Variants in GRID2IP observed in about 807,000 individuals in gnomAD.
GRID2IP encodes the protein delphilin.
A neutral mutation model predicts 114.3 loss-of-function variants in GRID2IP; 78 were observed. That is an observed-to-expected ratio of 0.68 (90% CI 0.57 to 0.82). GRID2IP has a LOEUF of 0.82. Ranked by LOEUF, GRID2IP falls within the 40% of genes least tolerant of loss-of-function variation. The pLI, the probability that GRID2IP is intolerant of heterozygous loss-of-function variation, is 0.00. For synonymous variants in GRID2IP, 809 were observed against 724.0 expected, an observed-to-expected ratio of 1.12 and a Z score of -1.89; for missense variants, 1,727 against 1,678.5, an observed-to-expected ratio of 1.03 and a Z score of -0.51.
intron 2 of GRID2IP, chr7:6,531,117 C>A: frequency 3.8e-6 from 2 of 530,040 alleles, no homozygotes; most frequent in Non-Finnish European, 6.7e-6. Flanking sequence ...AGCCGGGGAC[C>A]GCGGCGCGGC....
intron 7 of GRID2IP, among the ~76,000 whole-genome samples, chr7:6,518,790 C>T (rs1484054880): frequency 6.6e-6 from 1 of 152,080 alleles, no homozygotes; most frequent in African/African-American, 2.4e-5. Context: ...AGTTGGGCAT[C>T]ACTGTGATCT....
intron 1 of GRID2IP, among the ~76,000 whole-genome samples, chr7:6,547,303 G>C (rs762199988): frequency 6.6e-6 from 1 of 152,164 alleles, no homozygotes; most frequent in African/African-American, 2.4e-5. Context: ...CACTTTGGGA[G>C]GCTGAGGCAG....
intron 2 of GRID2IP, among the ~76,000 whole-genome samples, chr7:6,529,422 G>T (rs1257025433): frequency 2.6e-5 from 4 of 152,054 alleles, no homozygotes; most frequent in Non-Finnish European, 1.5e-5. Context: ...CTGCACTCCA[G>T]CCTGGGCAAA....
Position 6,526,676 on chromosome 7 carries a change from G to T in GRID2IP, c.678C>A (p.Gly226=). 1 of 1,470,178 alleles carries T rather than the reference G, an allele frequency of 6.8e-7. No individual in the cohort carries two copies. The highest frequency in any genetic ancestry group is 1.5e-5 in the African/African-American group (1 of 67,418). 91.1% of individuals were successfully genotyped at this position (1,470,178 alleles called of 1,614,324 possible). The change falls in exon 3 of 22, where the codon GGC becomes GGA. Residue 226 remains glycine, a synonymous_variant. Transcript: ENST00000457091. The surrounding 1 kb of genome is among the most constrained non-coding windows in gnomAD (Gnocchi z 7.6). ...TGCGGCTCCGGCGCAGTCGCTGCGC[G>T]CCCTGGGCCCGGCGTGCGCGGCACA... ...GKLCRARRAQ[G]AQRLRRSRSE...
chr7:6,537,523 G>A (rs867866581), intron 2 of GRID2IP, among the ~76,000 whole-genome samples: 59 of 149,972 alleles, frequency 3.9e-4, no homozygotes, highest in Admixed American at 8.7e-4. Flanking sequence ...GATTACAGGC[G>A]CCCGCCACCA....
intron 14 of GRID2IP, among the ~76,000 whole-genome samples, chr7:6,505,434 C>T (rs1583333989): frequency 6.8e-6 from 1 of 147,590 alleles, no homozygotes; most frequent in East Asian, 2.0e-4. Context: ...GTGGTGTGAT[C>T]GCGGCTCACT....
intron 1 of GRID2IP, among the ~76,000 whole-genome samples, chr7:6,541,455 G>C (rs1353412446): frequency 2.0e-5 from 3 of 152,186 alleles, no homozygotes; most frequent in Non-Finnish European, 2.9e-5. Flanking sequence ...TGGCACGTCA[G>C]CTTGGCCCTG....
chr7:6,510,566 C>G lies in GRID2IP; in HGVS notation c.1653+43G>C, dbSNP rs551087653. On this transcript the variant is annotated intron_variant, in intron 10 of 21. Transcript: ENST00000457091. ...CCCAGTCCTATGGACCGTCCATTCC[C>G]TGCCCCCTACTGACCCCACGTGGAG... 3.8e-4 allele frequency: 550 copies of G among 1,445,986 alleles called. 1 individual carries two copies. Among genetic ancestry groups the G allele is most frequent in the Non-Finnish European group, 5.0e-4 (534 of 1,075,296 alleles). 89.6% of individuals were successfully genotyped at this position (1,445,986 alleles called of 1,614,324 possible).
chr7:6,526,209 C>T lies in GRID2IP; in HGVS notation c.919+15G>A, dbSNP rs369593366. 17 of 1,549,798 alleles carry T rather than the reference C, an allele frequency of 1.1e-5. No individual in the cohort carries two copies. The African/African-American group carries it at 1.5e-4, about 14-fold the overall frequency. The stretch of plus-strand genomic sequence containing the variant: ...GGGCCTTAGGGACTCTTAGGGCAAC[C>T]GGCCCACCCCTCACCAGGCAGGACA... On this transcript the variant is annotated intron_variant, in intron 4 of 21. Transcript: ENST00000457091. This position sits in a 1 kb window ranked among gnomAD's most constrained non-coding sequence, Gnocchi z 7.6.
Position 6,501,823 on chromosome 7 carries a change from G to A in GRID2IP, c.3357C>T (p.Ser1119=). ...ACTTGTCCTCGCTAGAGGGGGAAAT[G>A]CTCTGGCAGGCATCCTGTATCTCGC... ...TISEIQDACQ[S]ISPSSEDKFA... Residue 1119 remains serine, a synonymous_variant, in exon 20 of 22, where the codon AGC becomes AGT. Coordinates refer to ENST00000457091, the MANE Select transcript of GRID2IP (RefSeq NM_001145118.2). 6.4e-7 allele frequency: 1 copy of A among 1,551,498 alleles called. No homozygotes were observed. Among genetic ancestry groups the A allele is most frequent in the Non-Finnish European group, 8.7e-7 (1 of 1,146,954 alleles).
chr7:6,505,384 G>T (rs1483491723), intron 14 of GRID2IP, among the ~76,000 whole-genome samples: 14 of 148,188 alleles, frequency 9.4e-5, no homozygotes, highest in African/African-American at 3.0e-4. Flanking sequence ...TTTTTAGACG[G>T]GGTCTCACTG....
chr7:6,526,819 C>T lies in GRID2IP; in HGVS notation c.585-50G>A. ...GGGCGCGTTCCCGGACCCCGGATCTCTGCAAACCGCGGCCCGAAGGCGCGT... is the reference window on the plus strand; with the variant it reads ...GGGCGCGTTCCCGGACCCCGGATCTTTGCAAACCGCGGCCCGAAGGCGCGT... On this transcript the variant is annotated intron_variant, in intron 2 of 21. Coordinates refer to ENST00000457091, the MANE Select transcript of GRID2IP (RefSeq NM_001145118.2). The surrounding 1 kb of genome is among the most constrained non-coding windows in gnomAD (Gnocchi z 7.6). 1 of 1,430,732 alleles carries T rather than the reference C, an allele frequency of 7.0e-7. No individual in the cohort carries two copies. Among genetic ancestry groups the T allele is most frequent in the South Asian group, 1.4e-5 (1 of 73,846 alleles). 88.6% of individuals were successfully genotyped at this position (1,430,732 alleles called of 1,614,324 possible). A position where few individuals can be genotyped will look rare whatever the true frequency, so the allele number is the denominator to read the frequency against.
chr7:6,548,325 G>C (rs933950177), intron 1 of GRID2IP, among the ~76,000 whole-genome samples: 1 of 151,884 alleles, frequency 6.6e-6, no homozygotes, highest in Non-Finnish European at 1.5e-5. Flanking sequence ...TGTATTCCCT[G>C]GGCAACAGAG....
In GRID2IP at chr7:6,497,729, C is replaced by G; in HGVS notation, c.*45G>C. The G allele has an allele frequency of 6.9e-7, 1 of 1,457,282 alleles. No individual in the cohort carries two copies. The highest frequency in any genetic ancestry group is 1.2e-5 in the South Asian group (1 of 80,868). 90.3% of individuals were successfully genotyped at this position (1,457,282 alleles called of 1,614,324 possible). A position where few individuals can be genotyped will look rare whatever the true frequency, so the allele number is the denominator to read the frequency against. ...GCAGTGTCTGGGCTGCCCTCTCGGC[C>G]TCCATCTCCCTGCTCAGGCCGCAGA... On this transcript the variant is annotated 3_prime_UTR_variant, in exon 22 of 22. Transcript: ENST00000457091.
At position 6,516,138 on chromosome 7, in the gene GRID2IP, ATAAAG is replaced by A. The variant is rs1280977250; in HGVS notation, c.1269-1614_1269-1610del. On this transcript the variant is annotated intron_variant, in intron 7 of 21. Coordinates refer to ENST00000457091, the MANE Select transcript of GRID2IP (RefSeq NM_001145118.2). This position sits in a 1 kb window ranked among gnomAD's most constrained non-coding sequence, Gnocchi z 4.3. ...AAAATAAATAAATAAATAAATAAAA[ATAAAG>A]TAGGAGAATATCTTTTGACCTAGAA... 8.4e-3 allele frequency among the ~76,000 whole-genome samples: 1,271 copies of A among 151,550 alleles called. 13 individuals carry two copies. Among genetic ancestry groups the A allele is most frequent in the African/African-American group, 0.03 (1,233 of 41,426 alleles).
At position 6,516,948 on chromosome 7, in the gene GRID2IP, A is replaced by G. The variant is rs1583342341; in HGVS notation, c.1269-2419T>C. ...TGCCCCTTTGCCTTGTACACAATAA[A>G]TAACAGCACGGCCAGGCATTCGGGG... is the stretch of plus-strand genomic sequence containing the variant. On this transcript the variant is annotated intron_variant, in intron 7 of 21. Coordinates refer to ENST00000457091, the MANE Select transcript of GRID2IP (RefSeq NM_001145118.2). The surrounding 1 kb of genome is among the most constrained non-coding windows in gnomAD (Gnocchi z 4.3). Among the ~76,000 whole-genome samples the G allele has an allele frequency of 6.6e-6, 1 of 151,636 alleles. No individual in the cohort carries two copies. Among genetic ancestry groups the G allele is most frequent in the African/African-American group, 2.4e-5 (1 of 41,196 alleles).
intron 16 of GRID2IP, 22 bp from the exon 17 acceptor site, chr7:6,503,185 G>A (rs1786466726): frequency 7.8e-7 from 1 of 1,275,700 alleles, no homozygotes; most frequent in Admixed American, 2.7e-5. Flanking sequence ...GCAGAGCCAG[G>A]ATTCACCCAT....
At position 6,507,879 on chromosome 7, in the gene GRID2IP, G is replaced by C; in HGVS notation, c.2544+106C>G. On this transcript the variant is annotated intron_variant, in intron 13 of 21. Coordinates refer to ENST00000457091, the MANE Select transcript of GRID2IP (RefSeq NM_001145118.2). The surrounding 1 kb of genome is among the most constrained non-coding windows in gnomAD (Gnocchi z 5.3). ...CTCTACTCATCCTCTGCTTGGGGTA[G>C]GGAGGATGATGTTGGAAGATGCCTG... 5 of 1,474,918 alleles carry C rather than the reference G, an allele frequency of 3.4e-6. No individual in the cohort carries two copies. Among genetic ancestry groups the C allele is most frequent in the Non-Finnish European group, 4.5e-6 (5 of 1,105,828 alleles). The allele number at this position is 1,474,918 out of a possible 1,614,324, so 91.4% of individuals were successfully genotyped here.
At chr7:6,531,163 A>G in intron 2 of GRID2IP, 1 of 488,558 alleles carries the variant, frequency 2.0e-6, no homozygotes, top group Non-Finnish European at 3.6e-6. Flanking sequence ...GAGCCCAGGA[A>G]TGGAGCGAGC....
Sources: gnomAD v4.1 joint callset for allele counts (sites outside exome capture counted in the v4.1 genomes callset) on GRCh38, gnomAD v4.1.1 for gene constraint, Gnocchi (gnomAD v3.1) non-coding constraint, MANE v1.5 for transcripts, NCBI Gene and HGNC (gene_info 2026-07-23, HGNC 2026-07-21) for gene names.